Variants in NSUN6 observed in about 807,000 individuals in gnomAD.
NSUN6 encodes the protein NOP2/Sun RNA methyltransferase 6.
In NSUN6, 64 loss-of-function variants were observed where a neutral mutation model predicts 58.0. That is an observed-to-expected ratio of 1.10 (90% CI 0.90 to 1.36). The LOEUF is 1.36. NSUN6 is among the 40% of genes most tolerant of loss of function. The pLI is 0.00. For synonymous variants in NSUN6, 231 were observed against 193.9 expected (o/e 1.19, Z -1.59); for missense variants, 701 against 550.1 (o/e 1.27, Z -2.74).
Position 18,553,231 on chromosome 10 carries a change from C to T in NSUN6, c.923-1260G>A, listed in dbSNP as rs539305071. Among the ~76,000 whole-genome samples, 14 of 151,862 alleles carry T rather than the reference C, an allele frequency of 9.2e-5. No individual in the cohort carries two copies. The East Asian group carries it at 2.0e-3, about 21-fold the overall frequency. ...TCTCCATTCCATTCCATGCTCCATT[C>T]GATTCCATTTCATTCTCCATTCCAT... On this transcript the variant is annotated intron_variant, in intron 8 of 10. Transcript: ENST00000377304.
chr10:18,593,966 G>A (rs1473175415), intron 7 of NSUN6, among the ~76,000 whole-genome samples: 15 of 151,862 alleles, frequency 9.9e-5, no homozygotes, highest in African/African-American at 3.4e-4. Flanking sequence ...TTGGGAGGCC[G>A]GGGCAGGCAG....
upstream of NSUN6, chr10:18,658,626 G>C: frequency 1.0e-6 from 1 of 965,280 alleles, no homozygotes. Flanking sequence ...TTATTATTAT[G>C]TGTTATTATT....
intron 8 of NSUN6, among the ~76,000 whole-genome samples, chr10:18,579,371 C>T (rs1196981338): frequency 6.6e-6 from 1 of 152,058 alleles, no homozygotes; most frequent in Non-Finnish European, 1.5e-5. Context: ...AGGGTTTCAC[C>T]GTGTTAGCCA....
chr10:18,590,496 A>G (rs752072895), intron 7 of NSUN6, among the ~76,000 whole-genome samples: 1 of 152,220 alleles, frequency 6.6e-6, no homozygotes, highest in Non-Finnish European at 1.5e-5. Context: ...ACTCGACCAC[A>G]TAACTGGGAG....
chr10:18,558,336 TGA>T (rs2055206238), intron 8 of NSUN6, among the ~76,000 whole-genome samples: 1 of 130,472 alleles, frequency 7.7e-6, no homozygotes, highest in Non-Finnish European at 1.8e-5. Context: ...TGGAATGGAA[TGA>T]GGAATGGGAT....
chr10:18,552,056 C>A, intron 8 of NSUN6, 85 bp from the exon 9 acceptor site: 1 of 774,778 alleles, frequency 1.3e-6, no homozygotes, highest in South Asian at 2.3e-5. Flanking sequence ...AATTTAAAAT[C>A]ATAATCTAGA....
At chr10:18,629,700 C>T (rs959034121) in intron 3 of NSUN6, among the ~76,000 whole-genome samples, 3 of 151,088 alleles carry the variant, frequency 2.0e-5, no homozygotes, top group Admixed American at 2.0e-4. Flanking sequence ...ACAAGAAGAG[C>T]TAACTATCCT....
intron 8 of NSUN6, 77 bp downstream of exon 8, chr10:18,585,872 T>C: frequency 3.8e-6 from 4 of 1,065,796 alleles, no homozygotes; most frequent in East Asian, 2.5e-5. Flanking sequence ...CAAAATTATA[T>C]ACATGTCAAA....
chr10:18,607,817 CA>C (rs1051371535), intron 6 of NSUN6, among the ~76,000 whole-genome samples: 2 of 152,232 alleles, frequency 1.3e-5, no homozygotes, highest in African/African-American at 4.8e-5. Flanking sequence ...CAGCACACAA[CA>C]AACTACTCCT....
At chr10:18,637,555 T>C (rs1395467648) in intron 3 of NSUN6, among the ~76,000 whole-genome samples, 1 of 152,192 alleles carries the variant, frequency 6.6e-6, no homozygotes, top group Non-Finnish European at 1.5e-5. Flanking sequence ...TGGTAAAACT[T>C]TGTAGAGGGT....
intron 7 of NSUN6, among the ~76,000 whole-genome samples, chr10:18,595,026 C>T (rs770317047): frequency 1.3e-5 from 2 of 152,326 alleles, no homozygotes; most frequent in African/African-American, 2.4e-5. Context: ...TGGTCCCAAT[C>T]AGGGGAGAAC....
intron 3 of NSUN6, among the ~76,000 whole-genome samples, chr10:18,639,732 T>C (rs1338699841): frequency 6.6e-6 from 1 of 152,164 alleles, no homozygotes; most frequent in East Asian, 1.9e-4. Flanking sequence ...CATGTAAAAG[T>C]AAGTATTGAA....
intron 3 of NSUN6, among the ~76,000 whole-genome samples, chr10:18,624,649 A>AAAAAC (rs1257323544): frequency 2.0e-5 from 3 of 150,052 alleles, no homozygotes; most frequent in Non-Finnish European, 4.4e-5. Flanking sequence ...CTCTGTCTCA[A>AAAAAC]AAAAAAAAAA....
At chr10:18,597,874 G>A (rs915154923) in intron 6 of NSUN6, among the ~76,000 whole-genome samples, 4 of 152,200 alleles carry the variant, frequency 2.6e-5, no homozygotes, top group Admixed American at 6.5e-5. Flanking sequence ...ACTCAGTGGT[G>A]AGAAAGCAGT....
At chr10:18,653,145 AAGG>A (rs2131618802), upstream of NSUN6, 1 of 985,124 alleles carries the variant, frequency 1.0e-6, no homozygotes, top group African/African-American at 1.7e-5. Context: ...TTTAGCGATA[AAGG>A]AGGAGAAACA....
chr10:18,566,735 CATGCTCCATTCCATTCG>C (rs1275688032), intron 8 of NSUN6, among the ~76,000 whole-genome samples: 2 of 150,740 alleles, frequency 1.3e-5, no homozygotes, highest in Non-Finnish European at 3.0e-5. Context: ...CATTCCATTC[CATGCTCCATTCCATTCG>C]ATGCTCCATT....
chr10:18,629,457 G>T (rs1451112200), intron 3 of NSUN6, among the ~76,000 whole-genome samples: 1 of 150,528 alleles, frequency 6.6e-6, no homozygotes, highest in African/African-American at 2.4e-5. Context: ...GACACAGACT[G>T]GCAAATTGGA....
At chr10:18,658,687 A>G (rs764107242), upstream of NSUN6, 1 of 981,500 alleles carries the variant, frequency 1.0e-6, no homozygotes, top group Non-Finnish European at 1.2e-6. Context: ...CTCGTCTCCC[A>G]ATCAATTCTT....
At position 18,651,332 on chromosome 10, in the gene NSUN6, C is replaced by A. The variant is rs144613566; in HGVS notation, c.-129G>T. 53 of 1,401,436 alleles carry A rather than the reference C, an allele frequency of 3.8e-5. No homozygotes were observed. The highest frequency in any genetic ancestry group is 4.6e-5 in the Non-Finnish European group (50 of 1,083,558). 86.8% of individuals were successfully genotyped at this position (1,401,436 alleles called of 1,614,324 possible). A position where few individuals can be genotyped will look rare whatever the true frequency, so the allele number is the denominator to read the frequency against. ...GCTGAGGAAAATCTTGCCGATCACG[C>A]TGAGTTAATTTCGGAAATGCAGAGG... On this transcript the variant is annotated 5_prime_UTR_variant, in exon 1 of 11. Transcript: ENST00000377304.
Sources: allele counts gnomAD v4.1 joint callset (sites outside exome capture counted in the v4.1 genomes callset), GRCh38; gene constraint gnomAD v4.1.1; transcripts MANE v1.5; gene names NCBI Gene and HGNC (gene_info 2026-07-23, HGNC 2026-07-21).